ZNF563: variants seen among roughly 807,000 people sequenced by gnomAD.
The protein encoded by ZNF563 is zinc finger protein 563.
Under a neutral mutation model 48.5 loss-of-function variants are expected in ZNF563, and 39 were observed. That is an observed-to-expected ratio of 0.80 (90% CI 0.62 to 1.05). ZNF563 has a LOEUF of 1.05. Ranked by LOEUF, ZNF563 falls within the 50% of genes least tolerant of loss-of-function variation. The pLI is 0.00. For synonymous variants in ZNF563, 168 were observed against 187.9 expected, an observed-to-expected ratio of 0.89 and a Z score of 0.87; for missense variants, 538 against 597.0, an observed-to-expected ratio of 0.90 and a Z score of 1.03.
chr19:12,339,096 G>A, the ZNF563 span, among the ~76,000 whole-genome samples: 3 of 151,938 alleles, frequency 2.0e-5, no homozygotes, highest in Non-Finnish European at 4.4e-5. Context: ...TGCCATGATG[G>A]GGCTCCAGGA....
chr19:12,336,487 G>T (rs992553188), upstream of ZNF563, among the ~76,000 whole-genome samples: 1 of 152,210 alleles, frequency 6.6e-6, no homozygotes, highest in Non-Finnish European at 1.5e-5. Context: ...AGCTACTCAG[G>T]AGGCTGAGGC....
Position 12,319,730 on chromosome 19 carries a change from C to T in ZNF563, c.295G>A (p.Gly99Arg), listed in dbSNP as rs761797024. The T allele has an allele frequency of 6.2e-7, 1 of 1,614,010 alleles. No homozygotes were observed. Among genetic ancestry groups the T allele is most frequent in the African/African-American group, 1.3e-5 (1 of 74,914 alleles). ...TCAGCGCTTTGACATGGATCTTCTC[C>T]AGGACAAATGCTGTTGTTCACAATA... is the stretch of plus-strand genomic sequence containing the variant. ...DSIVNNSICP[G>R]EDPCQSAECE... Residue 99 changes from glycine to arginine, a missense_variant, in exon 4 of 4, where the codon GGA (glycine) becomes AGA (arginine). By Grantham distance (125) the Gly-to-Arg change is moderately radical. Transcript: ENST00000293725.
At position 12,319,115 on chromosome 19, in the gene ZNF563, T is replaced by C; in HGVS notation, c.910A>G (p.Ser304Gly). The C allele has an allele frequency of 2.5e-6, 4 of 1,614,196 alleles. No individual in the cohort carries two copies. The African/African-American group carries it at 4.0e-5, about 16-fold the overall frequency. ...TTACACTCATAGGGTTTCTCTGCAC[T>C]GTGAGTGGTTTCATGTCTTCGAAGG... ...SSLRRHETTH[S>G]AEKPYECKQC... Residue 304 changes from serine to glycine, a missense_variant, in exon 4 of 4, where the codon AGT becomes GGT. Coordinates refer to ENST00000293725, the MANE Select transcript of ZNF563 (RefSeq NM_145276.3).
At chr19:12,344,200 C>T in the ZNF563 span, among the ~76,000 whole-genome samples, 1 of 151,900 alleles carries the variant, frequency 6.6e-6, no homozygotes, top group Admixed American at 6.6e-5. Flanking sequence ...CGAGACCAGC[C>T]TGAGCAACAT....
chr19:12,344,421 A>G, the ZNF563 span, among the ~76,000 whole-genome samples: 1 of 152,176 alleles, frequency 6.6e-6, no homozygotes, highest in Non-Finnish European at 1.5e-5. Context: ...TTCAATATAC[A>G]GCAATCAATG....
chr19:12,324,065 A>AT (rs1384589181), intron 1 of ZNF563, among the ~76,000 whole-genome samples: 164 of 152,280 alleles, frequency 1.1e-3, no homozygotes, highest in African/African-American at 3.7e-3. Context: ...ATAACCAAAA[A>AT]TTTCACTACC....
the ZNF563 span, among the ~76,000 whole-genome samples, chr19:12,343,831 C>T: frequency 0.048 from 7,234 of 149,886 alleles, 582 homozygotes; most frequent in African/African-American, 0.17. Flanking sequence ...CCCGGGTTCA[C>T]GCCATTCTTC....
chr19:12,345,927 G>C, the ZNF563 span: 1 of 152,026 alleles, frequency 6.6e-6, no homozygotes, highest in Admixed American at 6.6e-5. Flanking sequence ...TTACTTAGCA[G>C]AAAACATAGG....
intron 2 of ZNF563, 42 bp downstream of exon 2, chr19:12,322,543 A>G (rs950466330): frequency 6.4e-7 from 1 of 1,552,730 alleles, no homozygotes; most frequent in African/African-American, 1.4e-5. Flanking sequence ...CATGAAACAA[A>G]TGTCTGTAAT....
At chr19:12,327,062 T>C (rs1382252698) in intron 1 of ZNF563, among the ~76,000 whole-genome samples, 1 of 152,162 alleles carries the variant, frequency 6.6e-6, no homozygotes, top group African/African-American at 2.4e-5. Flanking sequence ...TTGTGAATGG[T>C]ATAATATGTA....
chr19:12,318,565 A>C lies in ZNF563; in HGVS notation c.*29T>G. The C allele has an allele frequency of 6.3e-7, 1 of 1,583,542 alleles. No homozygotes were observed. The highest frequency in any genetic ancestry group is 8.6e-7 in the Non-Finnish European group (1 of 1,164,848). Reference sequence around the variant, plus strand: ...ATTCATGATATCAAAGGGAACTGGAAATATAGAAGGCTTTATAATAGTTTA... The same window carrying C: ...ATTCATGATATCAAAGGGAACTGGACATATAGAAGGCTTTATAATAGTTTA... On this transcript the variant is annotated 3_prime_UTR_variant, in exon 4 of 4. Transcript: ENST00000293725.
the ZNF563 span, among the ~76,000 whole-genome samples, chr19:12,344,557 A>T: frequency 6.6e-6 from 1 of 152,306 alleles, no homozygotes; most frequent in South Asian, 2.1e-4. Context: ...TAAACCAGGA[A>T]TGGAAAGAAA....
the ZNF563 span, among the ~76,000 whole-genome samples, chr19:12,344,755 TG>T: frequency 7.9e-5 from 12 of 152,036 alleles, no homozygotes; most frequent in African/African-American, 2.9e-4. Context: ...GAATCCAAAT[TG>T]GAGAGAAAGA....
chr19:12,340,566 G>A, the ZNF563 span, among the ~76,000 whole-genome samples: 4 of 152,118 alleles, frequency 2.6e-5, no homozygotes, highest in Non-Finnish European at 5.9e-5. Context: ...TTGAGGTCAG[G>A]AGTTCAAGAC....
chr19:12,339,673 G>A, the ZNF563 span, among the ~76,000 whole-genome samples: 2 of 152,144 alleles, frequency 1.3e-5, no homozygotes, highest in African/African-American at 4.8e-5. Flanking sequence ...GGTGAGACAT[G>A]TAGGAGGGCA....
At position 12,319,035 on chromosome 19, in the gene ZNF563, C is replaced by G. The variant is rs751961177; in HGVS notation, c.990G>C (p.Arg330Ser). 6.2e-7 allele frequency: 1 copy of G among 1,614,102 alleles called. No individual in the cohort carries two copies. Residue 330 changes from arginine to serine, a missense_variant, in exon 4 of 4, where the codon AGG becomes AGC. Coordinates refer to ENST00000293725, the MANE Select transcript of ZNF563 (RefSeq NM_145276.3). ...HLGSFQIHMK[R>S]HTGDRPHKCK... ...ATTTATGAGGTCGATCTCCAGTGTG[C>G]CTTTTCATGTGTATCTGAAAGCTTC... is the stretch of plus-strand genomic sequence containing the variant.
At chr19:12,338,256 C>T (rs77149035), upstream of ZNF563, among the ~76,000 whole-genome samples, 7,409 of 152,006 alleles carry the variant, frequency 0.049, 597 homozygotes, top group African/African-American at 0.17. Context: ...TTTATTTATT[C>T]TTATTTTTTG....
the ZNF563 span, among the ~76,000 whole-genome samples, chr19:12,343,573 A>G: frequency 6.6e-6 from 1 of 152,190 alleles, no homozygotes; most frequent in South Asian, 2.1e-4. Flanking sequence ...TATTGACACC[A>G]AAAGTTGGTT....
intron 1 of ZNF563, among the ~76,000 whole-genome samples, chr19:12,332,223 G>C (rs1968936401): frequency 6.6e-6 from 1 of 151,880 alleles, no homozygotes; most frequent in Non-Finnish European, 1.5e-5. Flanking sequence ...AGGCTAAAGG[G>C]AACAGGGGAA....
Sources: allele counts gnomAD v4.1 joint callset (sites outside exome capture counted in the v4.1 genomes callset), GRCh38; gene constraint gnomAD v4.1.1; transcripts MANE v1.5; gene names NCBI Gene and HGNC (gene_info 2026-07-23, HGNC 2026-07-21).